POLR1B: variants seen among roughly 807,000 people sequenced by gnomAD.
POLR1B encodes the protein DNA-directed RNA polymerase I subunit RPA2.
In POLR1B, 30 loss-of-function variants were observed where a neutral mutation model predicts 105.8. That is an observed-to-expected ratio of 0.28 (90% CI 0.21 to 0.38). The LOEUF (loss-of-function observed/expected upper bound fraction) is 0.38, where lower values mean the gene tolerates loss of function less well. Ranked by LOEUF, POLR1B falls within the 10% of genes least tolerant of loss-of-function variation. The pLI, the probability that POLR1B is intolerant of heterozygous loss-of-function variation, is 1.00. For synonymous variants in POLR1B, 485 were observed against 505.1 expected (o/e 0.96, Z 0.53); for missense variants, 976 against 1,435.8 (o/e 0.68, Z 5.17).
At position 112,568,903 on chromosome 2, in the gene POLR1B, G is replaced by A; in HGVS notation, c.2074+1G>A. ...CGGAACATGTACCAATGCCAGATGG[G>A]TAAGGAAGAGGGATGATGTTACAGT... On this transcript the variant is annotated splice_donor_variant, in intron 12 of 14. Transcript: ENST00000263331. LOFTEE classifies it high-confidence loss of function. 1 of 1,613,492 alleles carries A rather than the reference G, an allele frequency of 6.2e-7. No homozygotes were observed. Among genetic ancestry groups the A allele is most frequent in the African/African-American group, 1.3e-5 (1 of 75,012 alleles).
chr2:112,549,198 G>C, intron 3 of POLR1B, 69 bp from the exon 4 acceptor site: 4 of 1,551,808 alleles, frequency 2.6e-6, no homozygotes, highest in African/African-American at 1.4e-5. Context: ...CTTTGGCTAG[G>C]AGTGAGGTTC....
intron 10 of POLR1B, among the ~76,000 whole-genome samples, chr2:112,567,114 A>G (rs926077126): frequency 6.6e-6 from 1 of 152,172 alleles, no homozygotes; most frequent in Admixed American, 6.5e-5. Context: ...AGCATGCAAT[A>G]TAGTATTCTT....
At chr2:112,561,388 C>T (rs1032100103) in intron 9 of POLR1B, among the ~76,000 whole-genome samples, 5 of 152,014 alleles carry the variant, frequency 3.3e-5, no homozygotes, top group East Asian at 1.9e-4. Flanking sequence ...AGATGAAACA[C>T]GAGGCAGGTA....
rs887593875 is a variant in POLR1B, at chr2:112,561,131, T to C, written c.1612+1557T>C. On this transcript the variant is annotated intron_variant, in intron 9 of 14. Transcript: ENST00000263331. The stretch of plus-strand genomic sequence containing the variant: ...CCTACAGAAAGTAATCAAGAAATAC[T>C]CAAGATTCAGAAGATGTAATCAGCG... 4.6e-5 allele frequency among the ~76,000 whole-genome samples: 7 copies of C among 151,974 alleles called. No homozygotes were observed. The Middle Eastern group carries it at 0.01, about 222-fold the overall frequency.
At position 112,559,569 on chromosome 2, in the gene POLR1B, A is replaced by G. The variant is rs752512775; in HGVS notation, c.1607A>G (p.Asn536Ser). Residue 536 changes from asparagine to serine, a missense_variant, in exon 9 of 15, where the codon AAC (asparagine) becomes AGC (serine). Asn to Ser is a conservative substitution (Grantham distance 46). This residue lies in a region of POLR1B where 184 missense variants were observed against 197.4 expected (regional missense o/e 0.93). Coordinates refer to ENST00000263331, the MANE Select transcript of POLR1B (RefSeq NM_019014.6). ...YTASIPALLC[N>S]LGVTPIDGAP... Reference sequence around the variant, plus strand: ...GCATCTATTCCAGCTTTACTGTGCAACTTGGGTATGTAGTGTACAGTGATA... The same window carrying G: ...GCATCTATTCCAGCTTTACTGTGCAGCTTGGGTATGTAGTGTACAGTGATA... 8.7e-6 allele frequency: 14 copies of G among 1,614,034 alleles called. No homozygotes were observed. The South Asian group carries it at 1.4e-4, about 16-fold the overall frequency.
In POLR1B at chr2:112,575,225, T is replaced by C. The variant is rs1273709796; in HGVS notation, c.2904T>C (p.Ala968=). ...AATACTTTGGTGAGATGTTAAAGGC[T>C]GCTGGCTACAATTTCTATGGCACCG... ...ALEYFGEMLK[A]AGYNFYGTER... Residue 968 remains alanine (A), a synonymous_variant, in exon 15 of 15, where the codon GCT becomes GCC. Transcript: ENST00000263331. The surrounding 1 kb of genome is among the most constrained non-coding windows in gnomAD (Gnocchi z 5.3). 6.2e-7 allele frequency: 1 copy of C among 1,614,194 alleles called. No individual in the cohort carries two copies. The highest frequency in any genetic ancestry group is 1.1e-5 in the South Asian group (1 of 91,084).
intron 9 of POLR1B, among the ~76,000 whole-genome samples, chr2:112,562,920 G>A (rs1398586070): frequency 6.6e-6 from 1 of 151,390 alleles, no homozygotes; most frequent in East Asian, 1.9e-4. Context: ...GTAGCGACGG[G>A]GTTTTTCCAT....
chr2:112,549,115 G>C (rs972649951), intron 3 of POLR1B, 152 bp from the exon 4 acceptor site: 43 of 796,924 alleles, frequency 5.4e-5, no homozygotes, highest in Middle Eastern at 3.7e-4. Flanking sequence ...CACAAAGACA[G>C]TGTCTGTGTA....
intron 1 of POLR1B, among the ~76,000 whole-genome samples, chr2:112,544,335 G>A (rs997238764): frequency 3.3e-5 from 5 of 152,128 alleles, no homozygotes; most frequent in Non-Finnish European, 7.3e-5. Flanking sequence ...AGGAGGCTGA[G>A]GCACGAGAAT....
chr2:112,575,742 C>G lies in POLR1B; in HGVS notation c.*13C>G, dbSNP rs747158034. The G allele has an allele frequency of 3.1e-6, 5 of 1,598,624 alleles. No individual in the cohort carries two copies. In the African/African-American group the frequency reaches 6.7e-5, roughly 21 times the overall value. On this transcript the variant is annotated 3_prime_UTR_variant, in exon 15 of 15. Transcript: ENST00000263331. This position sits in a 1 kb window ranked among gnomAD's most constrained non-coding sequence, Gnocchi z 5.3. ...GGATGTTGTTTAACTTGATGTTGAC[C>G]TTTTGGATTAAGAGGACTATCAGAT...
chr2:112,545,897 C>T (rs755379574), intron 1 of POLR1B: 9 of 260,752 alleles, frequency 3.5e-5, no homozygotes, highest in East Asian at 1.6e-4. Flanking sequence ...CCTCCTCTCT[C>T]GGTCTCCCAA....
In POLR1B at chr2:112,575,983, G is replaced by T; in HGVS notation, c.*254G>T. 1 of 458,638 alleles carries T rather than the reference G, an allele frequency of 2.2e-6. No homozygotes were observed. The allele number at this position is 458,638 out of a possible 1,614,324, so 28.4% of individuals were successfully genotyped here. ...ATATGAAATATTGATAAATGGAAGA[G>T]CATACGGTGACAAGTCTCCTTTCCA... On this transcript the variant is annotated 3_prime_UTR_variant, in exon 15 of 15. Coordinates refer to ENST00000263331, the MANE Select transcript of POLR1B (RefSeq NM_019014.6). This position sits in a 1 kb window ranked among gnomAD's most constrained non-coding sequence, Gnocchi z 5.3.
intron 1 of POLR1B, among the ~76,000 whole-genome samples, chr2:112,545,583 A>G (rs192754216): frequency 1.2e-3 from 183 of 152,246 alleles, no homozygotes; most frequent in African/African-American, 4.2e-3. Flanking sequence ...ATTTCCTTCT[A>G]AATAGTGCAG....
At position 112,550,634 on chromosome 2, in the gene POLR1B, G is replaced by T. The variant is rs542656675; in HGVS notation, c.626-232G>T. 4.6e-5 allele frequency: 25 copies of T among 543,030 alleles called. No homozygotes were observed. In the South Asian group the frequency reaches 5.8e-4, roughly 13 times the overall value. 33.6% of individuals were successfully genotyped at this position (543,030 alleles called of 1,614,324 possible). A position where few individuals can be genotyped will look rare whatever the true frequency, so the allele number is the denominator to read the frequency against. ...GTCCTGGAGGGAAACTTTGAAGTTT[G>T]CTTAAATTCATAGTTTCGGTTATTT... On this transcript the variant is annotated intron_variant, in intron 4 of 14. Coordinates refer to ENST00000263331, the MANE Select transcript of POLR1B (RefSeq NM_019014.6).
chr2:112,561,063 TAA>T (rs10713970), intron 9 of POLR1B, among the ~76,000 whole-genome samples: 42 of 144,948 alleles, frequency 2.9e-4, no homozygotes, highest in East Asian at 1.6e-3. Context: ...AGACTCCATC[TAA>T]AAAAAAAAAA....
rs1238289970 is a variant in POLR1B at position 112,574,950 on chromosome 2, C to T, written c.2629C>T (p.Pro877Ser). The change falls in exon 15 of 15, where the codon CCA (proline) becomes TCA (serine). Residue 877 changes from proline to serine, a missense_variant. Coordinates refer to ENST00000263331, the MANE Select transcript of POLR1B (RefSeq NM_019014.6). ...VCITMRVPRN[P>S]TIGDKFASRH... ...CATCACTATGAGAGTGCCTCGGAAC[C>T]CAACTATCGGAGATAAATTTGCCAG... is the stretch of plus-strand genomic sequence containing the variant. 1 of 1,614,024 alleles carries T rather than the reference C, an allele frequency of 6.2e-7. No individual in the cohort carries two copies.
chr2:112,554,270 T>C (rs1243212588), intron 7 of POLR1B, among the ~76,000 whole-genome samples: 1 of 151,846 alleles, frequency 6.6e-6, no homozygotes, highest in Non-Finnish European at 1.5e-5. Flanking sequence ...GTATCTAGGA[T>C]TACAGGCGCG....
intron 5 of POLR1B, 82 bp downstream of exon 5, chr2:112,551,084 T>C: frequency 7.3e-7 from 1 of 1,374,286 alleles, no homozygotes; most frequent in South Asian, 1.2e-5. Flanking sequence ...GGATTCTCCT[T>C]GTTAAAATAA....
intron 4 of POLR1B, among the ~76,000 whole-genome samples, chr2:112,549,962 G>C (rs1683278197): frequency 6.6e-6 from 1 of 152,126 alleles, no homozygotes. Flanking sequence ...TGTACACCTT[G>C]AATATATATG....
Sources: gnomAD v4.1 joint callset for allele counts (sites outside exome capture counted in the v4.1 genomes callset) on GRCh38, gnomAD v4.1.1 for gene constraint, gnomAD v4.1.1 regional missense constraint, Gnocchi (gnomAD v3.1) non-coding constraint, MANE v1.5 for transcripts, NCBI Gene and HGNC (gene_info 2026-07-23, HGNC 2026-07-21) for gene names.